Variants in FAS observed in about 807,000 individuals in gnomAD.
FAS encodes the protein Fas cell surface death receptor.
In FAS, 5 loss-of-function variants were observed where a neutral mutation model predicts 33.2. The observed-to-expected ratio is 0.15, with a 90% CI of 0.08 to 0.32. The LOEUF (loss-of-function observed/expected upper bound fraction) is 0.32, where lower values mean the gene tolerates loss of function less well. FAS is among the 10% of genes least tolerant of loss of function. The pLI is 1.00. For synonymous variants in FAS, 131 were observed against 130.7 expected, an observed-to-expected ratio of 1.00 and a Z score of -0.01; for missense variants, 339 against 386.0, an observed-to-expected ratio of 0.88 and a Z score of 1.02.
chr10:88,990,968 G>C lies in FAS; in HGVS notation c.30+62G>C. 1 of 1,611,226 alleles carries C rather than the reference G, an allele frequency of 6.2e-7. No individual in the cohort carries two copies. Among genetic ancestry groups the C allele is most frequent in the South Asian group, 1.1e-5 (1 of 91,004 alleles). ...TCTTAGTCCCGGGGATAGGCAAAGT[G>C]GGGCGGGCGCGGGACGCGTGCGGGA... On this transcript the variant is annotated intron_variant, in intron 1 of 8. Coordinates refer to ENST00000652046, the MANE Select transcript of FAS (RefSeq NM_000043.6). This position sits in a 1 kb window ranked among gnomAD's most constrained non-coding sequence, Gnocchi z 4.9.
At chr10:88,973,088 A>C in intron 1 of FAS, 1 of 1,384,210 alleles carries the variant, frequency 7.2e-7, no homozygotes, top group African/African-American at 1.5e-5. Flanking sequence ...TCAAAAAATA[A>C]TTTTAACTTC....
chr10:88,978,983 A>G (rs1252828122), intron 2 of FAS, among the ~76,000 whole-genome samples: 4 of 151,796 alleles, frequency 2.6e-5, no homozygotes, highest in African/African-American at 7.3e-5. Context: ...TCTATGAATT[A>G]CCTCCTTTCA....
intron 2 of FAS, among the ~76,000 whole-genome samples, chr10:89,006,523 T>C (rs1236918787): frequency 6.6e-6 from 1 of 152,254 alleles, no homozygotes; most frequent in Admixed American, 6.5e-5. Flanking sequence ...AAACTGCTTA[T>C]ATTTTTAAAA....
intron 4 of FAS, among the ~76,000 whole-genome samples, chr10:89,009,678 G>T (rs1165386893): frequency 6.6e-6 from 1 of 152,126 alleles, no homozygotes; most frequent in Non-Finnish European, 1.5e-5. Flanking sequence ...TAAGAAATAA[G>T]CACATGATGC....
Position 89,016,881 on chromosome 10 carries a change from T to C in FAS, c.*2431T>C, listed in dbSNP as rs570518235. Reference sequence around the variant, plus strand: ...TGACCTCTGATTAGATCAGACACTTTTTAGATATTGAATCATCAGTTTCTG... The same window carrying C: ...TGACCTCTGATTAGATCAGACACTTCTTAGATATTGAATCATCAGTTTCTG... On this transcript the variant is annotated 3_prime_UTR_variant, in exon 9 of 9. Coordinates refer to ENST00000652046, the MANE Select transcript of FAS (RefSeq NM_000043.6). 4 of 199,026 alleles carry C rather than the reference T, an allele frequency of 2.0e-5. No homozygotes were observed. The South Asian group carries it at 7.6e-4, about 38-fold the overall frequency. The allele number at this position is 199,026 out of a possible 1,614,324, so 12.3% of individuals were successfully genotyped here.
At position 88,973,266 on chromosome 10, in the gene FAS, C is replaced by T. The variant is rs768293030; in HGVS notation, n.179C>T. On this transcript the variant is annotated non_coding_transcript_exon_variant, in exon 2 of 4. Coordinates refer to the FAS transcript ENST00000688239. Reference sequence around the variant, plus strand: ...AATTGGCTATGGACCAAATGGATTCCCACTCTTGGGGATCTCTAGGTCATC... The same window carrying T: ...AATTGGCTATGGACCAAATGGATTCTCACTCTTGGGGATCTCTAGGTCATC... The T allele has an allele frequency of 3.7e-6, 6 of 1,612,244 alleles. No individual in the cohort carries two copies. In the African/African-American group the frequency reaches 6.7e-5, roughly 18 times the overall value.
chr10:88,964,743 A>T (rs909316731), intron 1 of FAS, among the ~76,000 whole-genome samples: 10 of 152,186 alleles, frequency 6.6e-5, no homozygotes, highest in African/African-American at 2.4e-4. Context: ...CCCTTCAGCA[A>T]AAAGTATCTA....
chr10:88,999,519 T>G (rs1847811399), intron 1 of FAS, among the ~76,000 whole-genome samples: 1 of 152,238 alleles, frequency 6.6e-6, no homozygotes, highest in Non-Finnish European at 1.5e-5. Flanking sequence ...TCGGTTCAAA[T>G]GTAAAATAAT....
At chr10:88,993,879 A>G (rs769407917) in intron 1 of FAS, among the ~76,000 whole-genome samples, 3 of 152,274 alleles carry the variant, frequency 2.0e-5, no homozygotes, top group Non-Finnish European at 2.9e-5. Flanking sequence ...AAATGATAAA[A>G]TATGAATTAA....
chr10:88,979,133 G>A (rs1284763412), intron 2 of FAS, among the ~76,000 whole-genome samples: 3 of 152,030 alleles, frequency 2.0e-5, no homozygotes, highest in African/African-American at 7.2e-5. Context: ...TAAAAATTAA[G>A]TACAATTAAA....
In FAS at chr10:89,010,805, A is replaced by C. The variant is rs1446628025; in HGVS notation, c.558A>C (p.Leu186=). The change falls in exon 6 of 9, where the codon CTA becomes CTC. Residue 186 remains leucine, a synonymous_variant. Coordinates refer to ENST00000652046, the MANE Select transcript of FAS (RefSeq NM_000043.6). ...WLCLLLLPIP[L]IVWVKRKEVQ... ...GTCTTCTTCTTTTGCCAATTCCACT[A>C]ATTGTTTGGGGTAAGTTCTTGCTTT... 1 of 1,614,014 alleles carries C rather than the reference A, an allele frequency of 6.2e-7. No individual in the cohort carries two copies. The highest frequency in any genetic ancestry group is 1.7e-5 in the Admixed American group (1 of 60,014).
upstream of FAS, among the ~76,000 whole-genome samples, chr10:88,990,009 G>A (rs1214198220): frequency 2.0e-5 from 3 of 152,056 alleles, no homozygotes; most frequent in Admixed American, 6.5e-5. The surrounding 1 kb of genome is among the most constrained non-coding windows in gnomAD (Gnocchi z 4.9). Flanking sequence ...TTTTTTTAAA[G>A]AAAATTGGCC....
At chr10:88,976,406 C>T (rs1176694459) in intron 2 of FAS, among the ~76,000 whole-genome samples, 1 of 152,122 alleles carries the variant, frequency 6.6e-6, no homozygotes, top group Non-Finnish European at 1.5e-5. Flanking sequence ...TAGTCTCTAA[C>T]AAAAGGATTG....
intron 1 of FAS, among the ~76,000 whole-genome samples, chr10:88,993,636 C>G (rs1484969933): frequency 6.6e-6 from 1 of 152,098 alleles, no homozygotes; most frequent in Non-Finnish European, 1.5e-5. Context: ...AGCAGTCATA[C>G]AGAATAGTTT....
At chr10:88,989,563 C>G (rs1370004258), upstream of FAS, 2 of 541,930 alleles carry the variant, frequency 3.7e-6, no homozygotes, top group East Asian at 8.6e-5. Flanking sequence ...AGCCTATCAA[C>G]ACCTACAAGA....
At chr10:88,977,566 G>A (rs78412182) in intron 2 of FAS, among the ~76,000 whole-genome samples, 6 of 151,334 alleles carry the variant, frequency 4.0e-5, no homozygotes, top group South Asian at 2.1e-4. Flanking sequence ...AAAACAAACA[G>A]CCCCATCAAA....
chr10:88,970,809 G>A (rs1468048926), intron 1 of FAS, among the ~76,000 whole-genome samples: 1 of 152,012 alleles, frequency 6.6e-6, no homozygotes, highest in African/African-American at 2.4e-5. Context: ...CATGGCACGT[G>A]TATACATATG....
At chr10:89,009,797 G>T (rs1848432939) in intron 4 of FAS, among the ~76,000 whole-genome samples, 1 of 152,222 alleles carries the variant, frequency 6.6e-6, no homozygotes, top group Non-Finnish European at 1.5e-5. Context: ...AGGCATTGGG[G>T]AAGCAGCTGA....
chr10:89,003,718 A>T (rs2133475538), intron 2 of FAS, among the ~76,000 whole-genome samples: 1 of 152,180 alleles, frequency 6.6e-6, no homozygotes, highest in East Asian at 1.9e-4. Flanking sequence ...TTTTTTTTTT[A>T]AATCAATACT....
Sources: allele counts gnomAD v4.1 joint callset (sites outside exome capture counted in the v4.1 genomes callset), GRCh38; gene constraint gnomAD v4.1.1; non-coding constraint Gnocchi (gnomAD v3.1); transcripts MANE v1.5; gene names NCBI Gene and HGNC (gene_info 2026-07-23, HGNC 2026-07-21).